The following TUSC3 variants were observed in gnomAD, a reference collection of about 807,000 sequenced individuals.
TUSC3 encodes dolichyl-diphosphooligosaccharide--protein glycosyltransferase subunit TUSC3.
A neutral mutation model predicts 44.8 loss-of-function variants in TUSC3; 45 were observed. The ratio of observed to expected loss-of-function variants is 1.00; its 90% confidence interval spans 0.79 to 1.29. The LOEUF (loss-of-function observed/expected upper bound fraction) is 1.29. TUSC3 is among the 50% of genes most tolerant of loss of function. The pLI is 0.00. For missense variants in TUSC3, 519 were observed against 437.9 expected, an observed-to-expected ratio of 1.19 and a Z score of -1.65; for synonymous variants, 212 against 152.9, an observed-to-expected ratio of 1.39 and a Z score of -2.85.
At chr8:15,694,990 G>T (rs1479173647) in intron 6 of TUSC3, among the ~76,000 whole-genome samples, 1 of 152,300 alleles carries the variant, frequency 6.6e-6, no homozygotes, top group Admixed American at 6.5e-5. Flanking sequence ...CCAAGCATGT[G>T]TTTGCACCAT....
At chr8:15,581,129 A>G (rs368832464) in intron 1 of TUSC3, among the ~76,000 whole-genome samples, 11 of 125,608 alleles carry the variant, frequency 8.8e-5, no homozygotes, top group South Asian at 6.0e-4. Context: ...AGGCTTCTGC[A>G]TTCTTCACGT....
chr8:15,721,735 A>G (rs1474912802), intron 6 of TUSC3, among the ~76,000 whole-genome samples: 1 of 152,092 alleles, frequency 6.6e-6, no homozygotes, highest in East Asian at 1.9e-4. Context: ...TATGTTATCA[A>G]TAAAACACAA....
chr8:15,758,054 C>T, intron 10 of TUSC3, 199 bp downstream of exon 10: 1 of 1,382,748 alleles, frequency 7.2e-7, no homozygotes, highest in Non-Finnish European at 9.3e-7. Context: ...ATAAAAATGT[C>T]TACCAAAAGA....
At chr8:15,784,408 A>G in the TUSC3 span, among the ~76,000 whole-genome samples, 3 of 152,214 alleles carry the variant, frequency 2.0e-5, no homozygotes, top group African/African-American at 7.2e-5. Flanking sequence ...CTGCACTCCC[A>G]TGTTCATTGC....
At chr8:15,656,746 G>A (rs566952051) in intron 3 of TUSC3, among the ~76,000 whole-genome samples, 1 of 152,348 alleles carries the variant, frequency 6.6e-6, no homozygotes, top group African/African-American at 2.4e-5. Flanking sequence ...CACTAAGGGG[G>A]ATTCTTTACA....
At chr8:15,777,572 A>G in the TUSC3 span, among the ~76,000 whole-genome samples, 1 of 152,368 alleles carries the variant, frequency 6.6e-6, no homozygotes, top group East Asian at 1.9e-4. Flanking sequence ...TATGAAGCAT[A>G]TAAATGATAG....
the TUSC3 span, among the ~76,000 whole-genome samples, chr8:15,827,434 G>T: frequency 6.6e-6 from 1 of 152,080 alleles, no homozygotes; most frequent in East Asian, 1.9e-4. Context: ...GATTCAATGG[G>T]TAGTGTTCAG....
intron 1 of TUSC3, among the ~76,000 whole-genome samples, chr8:15,423,776 T>C (rs936014012): frequency 6.6e-6 from 1 of 151,954 alleles, no homozygotes; most frequent in African/African-American, 2.4e-5. Flanking sequence ...CTGAGGTAAA[T>C]GGAAATTGTC....
At chr8:15,434,310 C>G (rs1799916712) in intron 1 of TUSC3, among the ~76,000 whole-genome samples, 1 of 152,050 alleles carries the variant, frequency 6.6e-6, no homozygotes, top group Admixed American at 6.6e-5. Context: ...ATTATTTGAG[C>G]AGTAAAACTT....
chr8:15,516,527 C>T (rs1554509046), intron 2 of TUSC3, among the ~76,000 whole-genome samples: 1 of 152,098 alleles, frequency 6.6e-6, no homozygotes, highest in Non-Finnish European at 1.5e-5. Flanking sequence ...ATTTCCTTTA[C>T]CATTGAGATT....
intron 1 of TUSC3, among the ~76,000 whole-genome samples, chr8:15,570,149 A>T (rs540960627): frequency 1.3e-5 from 2 of 152,010 alleles, no homozygotes; most frequent in African/African-American, 4.8e-5. Context: ...CTACTTTCTC[A>T]TTGTAGGGAA....
intron 2 of TUSC3, among the ~76,000 whole-genome samples, chr8:15,640,213 A>G (rs1426752797): frequency 6.6e-6 from 1 of 152,206 alleles, no homozygotes; most frequent in Admixed American, 6.5e-5. Flanking sequence ...CTTCTTGGGC[A>G]CTGAATCTGT....
At chr8:15,724,738 C>T (rs974107509) in intron 6 of TUSC3, among the ~76,000 whole-genome samples, 6 of 152,110 alleles carry the variant, frequency 3.9e-5, no homozygotes, top group Admixed American at 3.9e-4. Flanking sequence ...AAAGGATTTA[C>T]ACTAGTACTT....
chr8:15,608,176 C>G (rs1481415214), intron 1 of TUSC3, among the ~76,000 whole-genome samples: 1 of 152,100 alleles, frequency 6.6e-6, no homozygotes, highest in African/African-American at 2.4e-5. Context: ...CACCTCTTGG[C>G]TGAATTTTAT....
chr8:15,446,828 G>C (rs1037565023), intron 1 of TUSC3, among the ~76,000 whole-genome samples: 5 of 151,336 alleles, frequency 3.3e-5, no homozygotes, highest in Non-Finnish European at 7.4e-5. Context: ...CCTCTTTAAA[G>C]GAGAGGCAGA....
chr8:15,564,960 G>A (rs1802610182), intron 1 of TUSC3, among the ~76,000 whole-genome samples: 2 of 152,134 alleles, frequency 1.3e-5, no homozygotes, highest in Admixed American at 6.6e-5. Context: ...CAGATATGAG[G>A]TTTGAAGCAT....
chr8:15,425,494 A>T (rs1320528071), intron 1 of TUSC3, among the ~76,000 whole-genome samples: 2 of 152,244 alleles, frequency 1.3e-5, no homozygotes, highest in Non-Finnish European at 2.9e-5. Context: ...AAGAAGATGC[A>T]GAAGGCAAGA....
At chr8:15,439,730 T>C (rs1445913138) in intron 1 of TUSC3, among the ~76,000 whole-genome samples, 1 of 152,220 alleles carries the variant, frequency 6.6e-6, no homozygotes, top group East Asian at 1.9e-4. Context: ...AGACATACTG[T>C]GTTATCTCTT....
chr8:15,664,227 C>G (rs1563161072), intron 5 of TUSC3, among the ~76,000 whole-genome samples: 1 of 151,670 alleles, frequency 6.6e-6, no homozygotes, highest in African/African-American at 2.4e-5. Flanking sequence ...GATTTGATCT[C>G]ATTGATCTGA....
Sources: allele counts gnomAD v4.1 joint callset (sites outside exome capture counted in the v4.1 genomes callset), GRCh38; gene constraint gnomAD v4.1.1; transcripts MANE v1.5; gene names NCBI Gene and HGNC (gene_info 2026-07-23, HGNC 2026-07-21).